The following BRWD1 variants were observed in gnomAD, a reference collection of about 807,000 sequenced individuals.
BRWD1 encodes the protein bromodomain and WD repeat domain containing 1.
Under a neutral mutation model 251.2 loss-of-function variants are expected in BRWD1, and 82 were observed. That is an observed-to-expected ratio of 0.33 (90% CI 0.27 to 0.39). The LOEUF (loss-of-function observed/expected upper bound fraction) is 0.39, where lower values mean the gene tolerates loss of function less well. BRWD1 is among the 10% of genes least tolerant of loss of function. BRWD1 has a pLI of 1.00. For synonymous variants in BRWD1, 918 were observed against 902.8 expected, an observed-to-expected ratio of 1.02 and a Z score of -0.30; for missense variants, 2,233 against 2,711.6, an observed-to-expected ratio of 0.82 and a Z score of 3.92.
intron 21 of BRWD1, among the ~76,000 whole-genome samples, chr21:39,239,978 A>G: frequency 6.6e-6 from 1 of 152,224 alleles, no homozygotes; most frequent in East Asian, 1.9e-4. Context: ...AAATCTTGGA[A>G]GCAACCAACA....
chr21:39,275,935 G>A (rs975990027), intron 12 of BRWD1, among the ~76,000 whole-genome samples: 2 of 152,118 alleles, frequency 1.3e-5, no homozygotes, highest in African/African-American at 2.4e-5. Flanking sequence ...AGGAGGCTGA[G>A]GTAGAAGATT....
intron 31 of BRWD1, chr21:39,216,925 T>C (rs2032918959): frequency 6.6e-6 from 1 of 152,650 alleles, no homozygotes; most frequent in Non-Finnish European, 1.4e-5. Flanking sequence ...TTCTTGATTC[T>C]CTCCTTCCTG....
At chr21:39,314,441 G>GA (rs563792031), upstream of BRWD1, 1,264 of 420,366 alleles carry the variant, frequency 3.0e-3, 5 homozygotes, top group Non-Finnish European at 4.5e-3. Flanking sequence ...GGACTGTGGG[G>GA]AGAGGGTGGT....
In BRWD1 at chr21:39,225,181, A is replaced by T. The variant is rs765443941; in HGVS notation, c.3225T>A (p.Ser1075=). The change falls in exon 28 of 41, where the codon TCT becomes TCA. Residue 1075 remains serine, a synonymous_variant. Transcript: ENST00000342449. ...CAAACCACCAAGCATCATCAATAAT[A>T]GAGCGGAATCTGTCACCTAGGAGAG... ...RNWQSCDRFR[S]IIDDAWWFGT... is the part of the protein sequence containing the mutation. 28 of 1,612,450 alleles carry T rather than the reference A, an allele frequency of 1.7e-5. No individual in the cohort carries two copies. The highest frequency in any genetic ancestry group is 2.2e-5 in the Non-Finnish European group (26 of 1,178,872).
intron 4 of BRWD1, among the ~76,000 whole-genome samples, chr21:39,304,164 A>G (rs1241883269): frequency 1.4e-5 from 2 of 146,150 alleles, no homozygotes; most frequent in African/African-American, 2.5e-5. Context: ...AAAAAAAAAG[A>G]GAAATACAGA....
Position 39,199,478 on chromosome 21 carries a change from T to C in BRWD1, c.4938A>G (p.Val1646=). 1 of 1,614,238 alleles carries C rather than the reference T, an allele frequency of 6.2e-7. No homozygotes were observed. Among genetic ancestry groups the C allele is most frequent in the Non-Finnish European group, 8.5e-7 (1 of 1,180,044 alleles). Residue 1646 remains valine (V), a synonymous_variant, in exon 40 of 41, where the codon GTA becomes GTG. Coordinates refer to ENST00000342449, the MANE Select transcript of BRWD1 (RefSeq NM_033656.4). ...CACTTTCAGAGCTAGAATTCTCTTCTACATCACTCATTAGCTTTATTTTAT... is the reference window on the plus strand; with the variant it reads ...CACTTTCAGAGCTAGAATTCTCTTCCACATCACTCATTAGCTTTATTTTAT... ...AANKIKLMSD[V]EENSSSESVC...
Position 39,206,437 on chromosome 21 carries a change from T to C in BRWD1, c.4198-163A>G, listed in dbSNP as rs1288555410. Reference sequence around the variant, plus strand: ...CCAACCCCCTTCCCTTAATGACATCTGGAAGTAAGAAGTATCAAATACATA... The same window carrying C: ...CCAACCCCCTTCCCTTAATGACATCCGGAAGTAAGAAGTATCAAATACATA... On this transcript the variant is annotated intron_variant, in intron 36 of 40. Transcript: ENST00000342449. 2.0e-5 allele frequency among the ~76,000 whole-genome samples: 3 copies of C among 152,174 alleles called. No homozygotes were observed. In the East Asian group the frequency reaches 5.8e-4, roughly 29 times the overall value.
At chr21:39,210,984 G>C in intron 34 of BRWD1, 55 bp from the exon 35 acceptor site, 1 of 1,508,496 alleles carries the variant, frequency 6.6e-7, no homozygotes, top group Non-Finnish European at 8.9e-7. Flanking sequence ...TAAGACTGTG[G>C]TAAAAATGTA....
chr21:39,205,984 G>A (rs1422133370), intron 37 of BRWD1, 124 bp downstream of exon 37: 4 of 907,462 alleles, frequency 4.4e-6, no homozygotes, highest in Non-Finnish European at 1.6e-6. Context: ...GGAGGCTGAG[G>A]CAGGAAAATC....
Position 39,313,529 on chromosome 21 carries a change from A to AGCGC in BRWD1, c.-39_-38insGCGC. On this transcript the variant is annotated 5_prime_UTR_variant, in exon 1 of 41. Transcript: ENST00000342449. ...GGCGGGAGGCGGGAGCGAGCGAGCGAGCGGAGCGTGTAGGCCGCGCCGAGG... is the reference window on the plus strand; with the variant it reads ...GGCGGGAGGCGGGAGCGAGCGAGCGAGCGCGCGGAGCGTGTAGGCCGCGCCGAGG... 7.5e-7 allele frequency: 1 copy of AGCGC among 1,327,356 alleles called. No individual in the cohort carries two copies. The highest frequency in any genetic ancestry group is 9.6e-7 in the Non-Finnish European group (1 of 1,045,544). 82.2% of individuals were successfully genotyped at this position (1,327,356 alleles called of 1,614,324 possible).
chr21:39,270,917 C>T (rs561430432), intron 13 of BRWD1, among the ~76,000 whole-genome samples: 1 of 152,364 alleles, frequency 6.6e-6, no homozygotes, highest in South Asian at 2.1e-4. Flanking sequence ...CTTCATACAA[C>T]TTTCCTACAG....
At chr21:39,288,431 A>C (rs947756389) in intron 8 of BRWD1, among the ~76,000 whole-genome samples, 25 of 152,202 alleles carry the variant, frequency 1.6e-4, no homozygotes, top group African/African-American at 5.5e-4. Flanking sequence ...ACCTCCCCCA[A>C]GTTTTAATAT....
Position 39,229,359 on chromosome 21 carries a change from A to G in BRWD1, c.3078T>C (p.Phe1026=). 6.2e-7 allele frequency: 1 copy of G among 1,607,250 alleles called. No homozygotes were observed. Among genetic ancestry groups the G allele is most frequent in the Non-Finnish European group, 8.5e-7 (1 of 1,174,108 alleles). ...TAAGTTTTCCAGTTGCTGGATCTATAAATGCTAGTTTTAGGCAACAGAGTG... is the reference window on the plus strand; with the variant it reads ...TAAGTTTTCCAGTTGCTGGATCTATGAATGCTAGTTTTAGGCAACAGAGTG... ...PPTLCCLKLA[F]IDPATGKLMD... The change falls in exon 26 of 41, where the codon TTT becomes TTC. Residue 1026 remains phenylalanine (F), a synonymous_variant. Coordinates refer to ENST00000342449, the MANE Select transcript of BRWD1 (RefSeq NM_033656.4).
At chr21:39,312,978 C>CGGCGGGCGGGGGGCCGG in intron 3 of BRWD1, 78 bp from the exon 4 acceptor site, 1 of 380,650 alleles carries the variant, frequency 2.6e-6, no homozygotes, top group Non-Finnish European at 3.4e-6. Flanking sequence ...CGGGGGCGGG[C>CGGCGGGCGGGGGGCCGG]GGCGGGCGGC....
At chr21:39,203,829 A>G in intron 37 of BRWD1, among the ~76,000 whole-genome samples, 1 of 149,600 alleles carries the variant, frequency 6.7e-6, no homozygotes, top group Non-Finnish European at 1.5e-5. Flanking sequence ...AAAATTTTAA[A>G]TGCCGTTAAT....
At position 39,224,972 on chromosome 21, in the gene BRWD1, G is replaced by A. The variant is rs141956960; in HGVS notation, c.3320+114C>T. The A allele has an allele frequency of 2.8e-4, 215 of 772,046 alleles. 1 individual carries two copies. The East Asian group carries it at 5.1e-3, about 18-fold the overall frequency. The allele number at this position is 772,046 out of a possible 1,614,324, so 47.8% of individuals were successfully genotyped here. A position where few individuals can be genotyped will look rare whatever the true frequency, so the allele number is the denominator to read the frequency against. ...GAGACATTTCGGGTCAGCCTGACAT[G>A]ACTTAATGACAGATAAAAACCATGT... On this transcript the variant is annotated intron_variant, in intron 28 of 40. Coordinates refer to ENST00000342449, the MANE Select transcript of BRWD1 (RefSeq NM_033656.4).
intron 27 of BRWD1, among the ~76,000 whole-genome samples, chr21:39,226,567 A>C (rs1386599424): frequency 6.6e-6 from 1 of 152,240 alleles, no homozygotes; most frequent in South Asian, 2.1e-4. Context: ...CTGAAAAATC[A>C]TAATAGCTGG....
chr21:39,279,664 A>AAAAAAAAAAAAAAAAAAAG (rs1568945560), intron 9 of BRWD1, among the ~76,000 whole-genome samples: 1 of 87,652 alleles, frequency 1.1e-5, no homozygotes, highest in Non-Finnish European at 3.5e-5. Flanking sequence ...AAAGAAAAAA[A>AAAAAAAAAAAAAAAAAAAG]AAAAGAAAAC....
chr21:39,310,781 T>A (rs981579996), intron 4 of BRWD1, among the ~76,000 whole-genome samples: 1 of 152,178 alleles, frequency 6.6e-6, no homozygotes, highest in Non-Finnish European at 1.5e-5. Flanking sequence ...AACCTCACTT[T>A]AGGCAGGTCT....
Sources: gnomAD v4.1 joint callset for allele counts (sites outside exome capture counted in the v4.1 genomes callset) on GRCh38, gnomAD v4.1.1 for gene constraint, MANE v1.5 for transcripts, NCBI Gene and HGNC (gene_info 2026-07-23, HGNC 2026-07-21) for gene names.